Variants in SORT1 observed in about 807,000 individuals in gnomAD.
SORT1 encodes sortilin 1.
In SORT1, 39 loss-of-function variants were observed where a neutral mutation model predicts 101.7. The ratio of observed to expected loss-of-function variants is 0.38; its 90% confidence interval spans 0.30 to 0.50. The LOEUF is 0.50. Ranked by LOEUF, SORT1 falls within the 20% of genes least tolerant of loss-of-function variation. SORT1 has a pLI of 0.90. For missense variants in SORT1, 878 were observed against 1,040.4 expected, an observed-to-expected ratio of 0.84 and a Z score of 2.15; for synonymous variants, 396 against 393.7, an observed-to-expected ratio of 1.01 and a Z score of -0.07.
At chr1:109,369,253 T>C (rs1001248827) in intron 2 of SORT1, among the ~76,000 whole-genome samples, 4 of 151,882 alleles carry the variant, frequency 2.6e-5, no homozygotes, top group African/African-American at 9.7e-5. Flanking sequence ...ACCCGGGAGG[T>C]GGAGGTTGCA....
Position 109,314,346 on chromosome 1 carries a change from GCA to G in SORT1, c.2394_2395del (p.Ala799ArgfsTer18). 6.2e-7 allele frequency: 1 copy of G among 1,613,944 alleles called. No individual in the cohort carries two copies. The highest frequency in any genetic ancestry group is 8.5e-7 in the Non-Finnish European group (1 of 1,179,952). ...CACACCATCCACACCATTGGCCTCT[GCA>G]TGCTGCTGCAGCACAGAGTATCGAT... On this transcript the variant is annotated frameshift_variant, in exon 19 of 20. Transcript: ENST00000256637. LOFTEE classifies it high-confidence loss of function.
intron 8 of SORT1, among the ~76,000 whole-genome samples, chr1:109,343,534 T>C (rs948755036): frequency 7.9e-5 from 12 of 152,234 alleles, no homozygotes; most frequent in Non-Finnish European, 1.8e-4. Flanking sequence ...CCAGAAGGTA[T>C]CATCTGGTCA....
At chr1:109,337,919 C>A (rs1557792942) in intron 10 of SORT1, among the ~76,000 whole-genome samples, 1 of 152,196 alleles carries the variant, frequency 6.6e-6, no homozygotes, top group Non-Finnish European at 1.5e-5. Context: ...AGCCACTACA[C>A]CCAGAGTGAA....
chr1:109,351,965 GGTGTGTGTGTGT>G (rs10540637), intron 5 of SORT1, among the ~76,000 whole-genome samples: 61 of 147,510 alleles, frequency 4.1e-4, no homozygotes, highest in Non-Finnish European at 7.5e-4. Context: ...GAGAGGTAGG[GGTGTGTGTGTGT>G]GTGTGTGTGT....
chr1:109,327,069 G>C lies in SORT1; in HGVS notation c.1566C>G (p.Pro522=). ...GYSWTKMLEG[P]HYYTILDSGG... is the part of the protein sequence containing the mutation. ...CAGAATCCAGGATGGTGTAATAGTG[G>C]GGTCCTTCCAGCATCTTTGTCCAGG... is the stretch of plus-strand genomic sequence containing the variant. Residue 522 remains proline (P), a synonymous_variant, in exon 13 of 20, where the codon CCC becomes CCG. Transcript: ENST00000256637. 3 of 1,612,992 alleles carry C rather than the reference G, an allele frequency of 1.9e-6. No homozygotes were observed. The highest frequency in any genetic ancestry group is 1.7e-6 in the Non-Finnish European group (2 of 1,179,816).
Position 109,350,933 on chromosome 1 carries a change from T to C in SORT1, c.778A>G (p.Lys260Glu). 1 of 1,608,960 alleles carries C rather than the reference T, an allele frequency of 6.2e-7. No homozygotes were observed. The highest frequency in any genetic ancestry group is 8.5e-7 in the Non-Finnish European group (1 of 1,175,232). Residue 260 changes from lysine (K) to glutamate (E), a missense_variant, in exon 6 of 20, where the codon AAA becomes GAA. Physicochemically the swap from Lys to Glu is moderately conservative, Grantham distance 56. Around this residue, in one of 2 missense-constraint regions of SORT1, gnomAD observed 684 missense variants for 894.5 expected, o/e 0.76. Coordinates refer to ENST00000256637, the MANE Select transcript of SORT1 (RefSeq NM_002959.7). ...EEIHKAVCLAKWGSDNTIFFT... is the reference protein window; with the variant it reads ...EEIHKAVCLAEWGSDNTIFFT... ...ATGGAGTCTTCTGTTACTCACCATT[T>C]GGCCAAACATACTGCTTTGTGGATT...
chr1:109,377,832 G>A (rs1651961487), intron 1 of SORT1, among the ~76,000 whole-genome samples: 1 of 152,194 alleles, frequency 6.6e-6, no homozygotes, highest in Admixed American at 6.5e-5. Flanking sequence ...TAATATGCAA[G>A]TATCTTGAAA....
chr1:109,328,943 C>T (rs1397648741), intron 11 of SORT1, among the ~76,000 whole-genome samples: 1 of 152,206 alleles, frequency 6.6e-6, no homozygotes, highest in Non-Finnish European at 1.5e-5. Context: ...TGCAGATCTA[C>T]TTACCGGGCT....
At chr1:109,339,204 T>C (rs1313756060) in intron 10 of SORT1, among the ~76,000 whole-genome samples, 1 of 152,172 alleles carries the variant, frequency 6.6e-6, no homozygotes, top group African/African-American at 2.4e-5. Flanking sequence ...GTGTACTTCC[T>C]TCAGCTGAAA....
intron 13 of SORT1, among the ~76,000 whole-genome samples, chr1:109,325,886 A>G (rs1262920959): frequency 6.6e-6 from 1 of 151,988 alleles, no homozygotes; most frequent in African/African-American, 2.4e-5. Flanking sequence ...CTGTAATCTC[A>G]GCTGCTCAGG....
At position 109,369,534 on chromosome 1, in the gene SORT1, G is replaced by A. The variant is rs1651343007; in HGVS notation, c.362C>T (p.Thr121Ile). 1 of 1,597,560 alleles carries A rather than the reference G, an allele frequency of 6.3e-7. No homozygotes were observed. The highest frequency in any genetic ancestry group is 1.3e-5 in the African/African-American group (1 of 74,522). ...CAGACTCAAAATATGACTTACCCCA[G>A]TGCTATCTCCAACCCAGGACAAGGA... is the stretch of plus-strand genomic sequence containing the variant. Reference protein sequence around the residue: ...SVSLSWVGDSTGVILVLTTFH... With the variant: ...SVSLSWVGDSIGVILVLTTFH... The change falls in exon 2 of 20, where the codon ACT becomes ATT. Residue 121 changes from threonine (T) to isoleucine (I), a missense_variant. Around this residue, in one of 2 missense-constraint regions of SORT1, gnomAD observed 684 missense variants for 894.5 expected, o/e 0.76. Transcript: ENST00000256637.
At chr1:109,322,405 G>A (rs1424604266) in intron 15 of SORT1, among the ~76,000 whole-genome samples, 1 of 151,928 alleles carries the variant, frequency 6.6e-6, no homozygotes, top group Non-Finnish European at 1.5e-5. Flanking sequence ...GTTTGTTGCT[G>A]GTTCTGCCCA....
intron 1 of SORT1, among the ~76,000 whole-genome samples, chr1:109,396,011 G>A (rs745857068): frequency 1.4e-4 from 21 of 152,220 alleles, no homozygotes; most frequent in Non-Finnish European, 2.5e-4. Context: ...TTGAGCCCAG[G>A]AGGTCAGGGC....
chr1:109,334,712 T>C (rs1401344406), intron 11 of SORT1, among the ~76,000 whole-genome samples: 1 of 152,172 alleles, frequency 6.6e-6, no homozygotes, highest in Non-Finnish European at 1.5e-5. Flanking sequence ...AGGTGATGCA[T>C]ATGTTAGTTA....
rs1570884308 is a variant in SORT1, at chr1:109,318,036, A to C, written c.2025-67T>G. 8.0e-6 allele frequency: 8 copies of C among 1,002,686 alleles called. No homozygotes were observed. In the South Asian group the frequency reaches 9.3e-5, roughly 12 times the overall value. 62.1% of individuals were successfully genotyped at this position (1,002,686 alleles called of 1,614,324 possible). A position where few individuals can be genotyped will look rare whatever the true frequency, so the allele number is the denominator to read the frequency against. On this transcript the variant is annotated intron_variant, in intron 15 of 19. Transcript: ENST00000256637. Reference sequence around the variant, plus strand: ...AAGACCGTTAAGTGACTAGCAATGAAGGGTTATGTGGGGTAGTGGATGGTT... The same window carrying C: ...AAGACCGTTAAGTGACTAGCAATGACGGGTTATGTGGGGTAGTGGATGGTT...
intron 1 of SORT1, among the ~76,000 whole-genome samples, chr1:109,384,548 T>C (rs1488407021): frequency 6.6e-6 from 1 of 152,220 alleles, no homozygotes; most frequent in Admixed American, 6.5e-5. Flanking sequence ...TAGCCCCACA[T>C]ATCTCAATAG....
chr1:109,326,524 TAC>T (rs1214595446), intron 13 of SORT1, among the ~76,000 whole-genome samples: 7 of 143,622 alleles, frequency 4.9e-5, no homozygotes, highest in Non-Finnish European at 9.0e-5. Flanking sequence ...CACATATATA[TAC>T]ACATATATAT....
At position 109,316,928 on chromosome 1, in the gene SORT1, C is replaced by T. The variant is rs1446804491; in HGVS notation, c.2172G>A (p.Gln724=). The T allele has an allele frequency of 1.2e-6, 2 of 1,610,998 alleles. No homozygotes were observed. The highest frequency in any genetic ancestry group is 1.7e-6 in the Non-Finnish European group (2 of 1,178,888). The change falls in exon 17 of 20, where the codon CAG becomes CAA. Residue 724 remains glutamine, a synonymous_variant. Transcript: ENST00000256637. ...GYRKIPGDKC[Q]GGVNPVREVK... Reference sequence around the variant, plus strand: ...CTTCTCGAACTGGATTTACCCCACCCTGGCATTTGTCCCCTGGAATTTTCC... The same window carrying T: ...CTTCTCGAACTGGATTTACCCCACCTTGGCATTTGTCCCCTGGAATTTTCC...
chr1:109,341,571 G>C (rs182019035), intron 9 of SORT1, among the ~76,000 whole-genome samples: 253 of 152,102 alleles, frequency 1.7e-3, no homozygotes, highest in Non-Finnish European at 3.0e-3. Context: ...TGACGGTCTC[G>C]ATCTCCTGAC....
Sources: gnomAD v4.1 joint callset for allele counts (sites outside exome capture counted in the v4.1 genomes callset) on GRCh38, gnomAD v4.1.1 for gene constraint, gnomAD v4.1.1 regional missense constraint, MANE v1.5 for transcripts, NCBI Gene and HGNC (gene_info 2026-07-23, HGNC 2026-07-21) for gene names.